REV3L: variants seen among roughly 807,000 people sequenced by gnomAD.
The protein encoded by REV3L is REV3 like, DNA directed polymerase zeta catalytic subunit.
A neutral mutation model predicts 299.4 loss-of-function variants in REV3L; 69 were observed. That is an observed-to-expected ratio of 0.23 (90% CI 0.19 to 0.28). The LOEUF (loss-of-function observed/expected upper bound fraction) is 0.28, where lower values mean the gene tolerates loss of function less well. Ranked by LOEUF, REV3L falls within the 10% of genes least tolerant of loss-of-function variation. The pLI, the probability that REV3L is intolerant of heterozygous loss-of-function variation, is 1.00. For synonymous variants in REV3L, 1,238 were observed against 1,271.4 expected (o/e 0.97, Z 0.56); for missense variants, 3,128 against 3,693.8 (o/e 0.85, Z 3.97).
intron 1 of REV3L, chr6:111,472,206 A>C: frequency 9.8e-7 from 1 of 1,023,734 alleles, no homozygotes; most frequent in Non-Finnish European, 1.3e-6. Flanking sequence ...AACATGTTTT[A>C]ACTTTACATT....
At chr6:111,342,260 T>C (rs453776) in intron 21 of REV3L, among the ~76,000 whole-genome samples, 102,403 of 151,974 alleles carry the variant, frequency 0.67, 36,663 homozygotes, top group Non-Finnish European at 0.81. Context: ...AAATGCTATC[T>C]GCCCCAGGGG....
At chr6:111,405,321 A>C in intron 4 of REV3L, 149 bp downstream of exon 4, 1 of 545,472 alleles carries the variant, frequency 1.8e-6, no homozygotes, top group Non-Finnish European at 2.9e-6. Context: ...ACAATCTCTA[A>C]TCCCACTTTG....
intron 1 of REV3L, among the ~76,000 whole-genome samples, chr6:111,481,657 A>G (rs1010826645): frequency 1.3e-5 from 2 of 152,206 alleles, no homozygotes; most frequent in Non-Finnish European, 2.9e-5. Context: ...AATGCTATCT[A>G]AAATCCCATA....
At chr6:111,349,992 T>C (rs1777430153) in intron 19 of REV3L, among the ~76,000 whole-genome samples, 1 of 152,206 alleles carries the variant, frequency 6.6e-6, no homozygotes, top group African/African-American at 2.4e-5. Flanking sequence ...AATGCGTCTC[T>C]CCTATGTAAC....
intron 17 of REV3L, 40 bp downstream of exon 17, chr6:111,358,782 T>C: frequency 6.8e-7 from 1 of 1,479,434 alleles, no homozygotes; most frequent in Non-Finnish European, 9.3e-7. Flanking sequence ...ACATTCACCC[T>C]AGAGTGGGCA....
intron 1 of REV3L, among the ~76,000 whole-genome samples, chr6:111,434,481 T>C (rs1445770566): frequency 2.6e-5 from 4 of 151,986 alleles, no homozygotes; most frequent in African/African-American, 7.2e-5. Flanking sequence ...TAGCTGGGCA[T>C]GCTGGCGGGC....
intron 5 of REV3L, among the ~76,000 whole-genome samples, chr6:111,391,090 G>C (rs1781882330): frequency 6.7e-6 from 1 of 149,042 alleles, no homozygotes; most frequent in African/African-American, 2.5e-5. Flanking sequence ...TTTTCAGATG[G>C]AGTCTCGCTC....
At chr6:111,413,380 G>A (rs1784446879) in intron 2 of REV3L, among the ~76,000 whole-genome samples, 1 of 152,056 alleles carries the variant, frequency 6.6e-6, no homozygotes, top group Non-Finnish European at 1.5e-5. Context: ...ATATCAATAG[G>A]AAGGAAAATG....
intron 1 of REV3L, among the ~76,000 whole-genome samples, chr6:111,436,851 T>C (rs920968519): frequency 3.9e-5 from 6 of 152,212 alleles, no homozygotes; most frequent in Non-Finnish European, 5.9e-5. Context: ...GATTTGATCT[T>C]TACAAATTAT....
At chr6:111,432,319 T>C (rs1787034923) in intron 1 of REV3L, among the ~76,000 whole-genome samples, 1 of 152,088 alleles carries the variant, frequency 6.6e-6, no homozygotes, top group African/African-American at 2.4e-5. Flanking sequence ...TATAAGAAAC[T>C]TACTTCGCCT....
chr6:111,360,413 T>A (rs1778526522), intron 16 of REV3L, among the ~76,000 whole-genome samples: 1 of 152,054 alleles, frequency 6.6e-6, no homozygotes, highest in Non-Finnish European at 1.5e-5. Flanking sequence ...TTGTCCTGAT[T>A]GAGTATTTTT....
chr6:111,474,361 T>C (rs1294747667), intron 1 of REV3L, among the ~76,000 whole-genome samples: 1 of 152,130 alleles, frequency 6.6e-6, no homozygotes, highest in Non-Finnish European at 1.5e-5. Flanking sequence ...GTCCTCTCAT[T>C]GTAAGTGGGT....
In REV3L at chr6:111,376,303, G is replaced by C; in HGVS notation, c.2052C>G (p.Ile684Met). The C allele has an allele frequency of 6.2e-7, 1 of 1,613,392 alleles. No individual in the cohort carries two copies. The highest frequency in any genetic ancestry group is 1.7e-5 in the Admixed American group (1 of 59,902). The change falls in exon 13 of 32, where the codon ATC becomes ATG. Residue 684 changes from isoleucine (I) to methionine (M), a missense_variant. Physicochemically the swap from Ile to Met is conservative, Grantham distance 10. This residue lies in a region of REV3L where 2,409 missense variants were observed against 2,611.8 expected (regional missense o/e 0.92). Transcript: ENST00000368802. Reference sequence around the variant, plus strand: ...TATGTATAAAAGGGGAATCCTTTTCGATTTTTCTAATGTTTGTATATTTTC... The same window carrying C: ...TATGTATAAAAGGGGAATCCTTTTCCATTTTTCTAATGTTTGTATATTTTC... ...PSRKYTNIRK[I>M]EKDSPFIHMH... is the part of the protein sequence containing the mutation.
intron 26 of REV3L, among the ~76,000 whole-genome samples, chr6:111,316,817 A>G (rs1773583283): frequency 6.6e-6 from 1 of 152,256 alleles, no homozygotes; most frequent in African/African-American, 2.4e-5. Flanking sequence ...CTTTGTGTAT[A>G]TCTGTAAATC....
chr6:111,367,591 G>C lies in REV3L; in HGVS notation c.6197C>G (p.Thr2066Ser), dbSNP rs1290628561. The stretch of plus-strand genomic sequence containing the variant: ...CTGAGAATTATCAACATCCTCCTTG[G>C]TATGTGCTGTAGTGGGGAGTATACA... ...SPCILPTTAHTKEDVDNSQIA... is the reference protein window; with the variant it reads ...SPCILPTTAHSKEDVDNSQIA... Residue 2066 changes from threonine to serine, a missense_variant, in exon 14 of 32, where the codon ACC becomes AGC. Thr to Ser is a moderately conservative substitution (Grantham distance 58). This residue lies in a region of REV3L where 2,409 missense variants were observed against 2,611.8 expected (regional missense o/e 0.92). Transcript: ENST00000368802. 6.2e-7 allele frequency: 1 copy of C among 1,614,134 alleles called. No individual in the cohort carries two copies. The highest frequency in any genetic ancestry group is 1.3e-5 in the African/African-American group (1 of 75,042).
At chr6:111,338,664 T>C (rs919508883) in intron 21 of REV3L, among the ~76,000 whole-genome samples, 19 of 152,166 alleles carry the variant, frequency 1.2e-4, no homozygotes, top group Middle Eastern at 6.8e-3. Context: ...TCTAATACTT[T>C]ATATACAAAA....
At chr6:111,482,639 G>C in intron 1 of REV3L, 111 bp downstream of exon 1, 1 of 586,196 alleles carries the variant, frequency 1.7e-6, no homozygotes, top group South Asian at 7.9e-5. Context: ...ACGCGGCAGC[G>C]ATCCACGGAG....
At chr6:111,453,787 C>T (rs1479666144) in intron 1 of REV3L, among the ~76,000 whole-genome samples, 1 of 152,000 alleles carries the variant, frequency 6.6e-6, no homozygotes, top group Non-Finnish European at 1.5e-5. Flanking sequence ...AGTTCGAGAC[C>T]AGCCTGGCCA....
chr6:111,411,029 C>T (rs577355593), intron 3 of REV3L, among the ~76,000 whole-genome samples: 2 of 152,214 alleles, frequency 1.3e-5, no homozygotes, highest in South Asian at 4.1e-4. Flanking sequence ...ACAACCAAAA[C>T]CAAAACCAAC....
Sources: allele counts gnomAD v4.1 joint callset (sites outside exome capture counted in the v4.1 genomes callset), GRCh38; gene constraint gnomAD v4.1.1; regional missense constraint gnomAD v4.1.1; transcripts MANE v1.5; gene names NCBI Gene and HGNC (gene_info 2026-07-23, HGNC 2026-07-21).